The following SYTL3 variants were observed in gnomAD, a reference collection of about 807,000 sequenced individuals.
The protein encoded by SYTL3 is synaptotagmin-like protein 3.
SYTL3 carries 88 observed loss-of-function variants against 82.1 expected under a neutral mutation model. That is an observed-to-expected ratio of 1.07 (90% CI 0.90 to 1.28). The LOEUF is 1.28. SYTL3 is among the 50% of genes most tolerant of loss of function. The pLI is 0.00. For missense variants in SYTL3, 831 were observed against 757.6 expected, an observed-to-expected ratio of 1.10 and a Z score of -1.14; for synonymous variants, 311 against 289.4, an observed-to-expected ratio of 1.07 and a Z score of -0.76.
In SYTL3 at chr6:158,708,397, G is replaced by A. The variant is rs1782353634; in HGVS notation, c.516+6G>A. 20 of 1,613,482 alleles carry A rather than the reference G, an allele frequency of 1.2e-5. No individual in the cohort carries two copies. Among genetic ancestry groups the A allele is most frequent in the Admixed American group, 1.7e-5 (1 of 60,002 alleles). Reference sequence around the variant, plus strand: ...GCAGCCGCAGTCCTGGCAGGGTAACGTATCCATTCTGGGCACTTCTCTAGT... The same window carrying A: ...GCAGCCGCAGTCCTGGCAGGGTAACATATCCATTCTGGGCACTTCTCTAGT... On this transcript the variant is annotated splice_donor_region_variant and intron_variant, in intron 8 of 17. Transcript: ENST00000611299.
intron 8 of SYTL3, among the ~76,000 whole-genome samples, chr6:158,712,740 C>G (rs1782892247): frequency 6.8e-6 from 1 of 147,960 alleles, no homozygotes; most frequent in Non-Finnish European, 1.5e-5. Flanking sequence ...CACATACATT[C>G]TTTTTCTTTT....
chr6:158,665,346 G>C lies in SYTL3; in HGVS notation c.111-49G>C, dbSNP rs780762499. 50 of 1,528,112 alleles carry C rather than the reference G, an allele frequency of 3.3e-5. No homozygotes were observed. In the South Asian group the frequency reaches 5.1e-4, roughly 16 times the overall value. 94.7% of individuals were successfully genotyped at this position (1,528,112 alleles called of 1,614,324 possible). A position where few individuals can be genotyped will look rare whatever the true frequency, so the allele number is the denominator to read the frequency against. On this transcript the variant is annotated intron_variant, in intron 4 of 17. Coordinates refer to ENST00000611299, the MANE Select transcript of SYTL3 (RefSeq NM_001242394.2). ...CCTGGGCTCTTGCCCTATAGCCTGG[G>C]GTCAGGTGTTCCATCTAATACTATC...
intron 2 of SYTL3, among the ~76,000 whole-genome samples, chr6:158,658,438 T>C (rs1314274916): frequency 6.6e-6 from 1 of 152,206 alleles, no homozygotes; most frequent in Non-Finnish European, 1.5e-5. Context: ...ATGAAGCAAC[T>C]GTGGTTCAAT....
In SYTL3 at chr6:158,757,372, C is replaced by A; in HGVS notation, c.1299C>A (p.Leu433=). 6.2e-7 allele frequency: 1 copy of A among 1,613,950 alleles called. No individual in the cohort carries two copies. The highest frequency in any genetic ancestry group is 2.2e-5 in the East Asian group (1 of 44,882). ...CACAGTCCTTCCGCTGGCATCCGCT[C>A]CGGGCCAAGGTGATGTCTGGTTTTG... ...STTQSFRWHP[L]RAKAEKYEDS... The change falls in exon 14 of 18, where the codon CTC becomes CTA. Residue 433 remains leucine (L), a synonymous_variant. Coordinates refer to ENST00000611299, the MANE Select transcript of SYTL3 (RefSeq NM_001242394.2).
intron 6 of SYTL3, among the ~76,000 whole-genome samples, chr6:158,699,436 A>G (rs1022687590): frequency 2.0e-5 from 3 of 152,156 alleles, no homozygotes; most frequent in African/African-American, 7.2e-5. Context: ...AAGCTGCTTC[A>G]TCCCTATTAT....
At chr6:158,708,194 A>C in intron 7 of SYTL3, 128 bp from the exon 8 acceptor site, 1 of 858,084 alleles carries the variant, frequency 1.2e-6, no homozygotes, top group East Asian at 2.4e-5. Flanking sequence ...TTTTTCCAAA[A>C]AGTGAGGCAG....
chr6:158,732,487 A>T (rs573539396), intron 11 of SYTL3, among the ~76,000 whole-genome samples: 6 of 152,246 alleles, frequency 3.9e-5, no homozygotes. Flanking sequence ...CCACTCGGAC[A>T]GTCCTCTAAT....
intron 2 of SYTL3, among the ~76,000 whole-genome samples, chr6:158,659,994 G>C (rs1002889340): frequency 6.6e-6 from 1 of 152,172 alleles, no homozygotes; most frequent in Non-Finnish European, 1.5e-5. Flanking sequence ...CCTTGAACAG[G>C]CCGGGCGTGG....
At chr6:158,677,954 A>G (rs536152089) in intron 5 of SYTL3, among the ~76,000 whole-genome samples, 76 of 152,148 alleles carry the variant, frequency 5.0e-4, no homozygotes, top group African/African-American at 1.6e-3. Context: ...CAGTGGTACA[A>G]TCTTGGCTCA....
At chr6:158,762,476 C>T (rs1026848612) in intron 16 of SYTL3, among the ~76,000 whole-genome samples, 1 of 152,124 alleles carries the variant, frequency 6.6e-6, no homozygotes, top group Non-Finnish European at 1.5e-5. Flanking sequence ...TTAACATCTC[C>T]TCTTGGACCA....
rs1180015398 is a variant in SYTL3 at position 158,764,492 on chromosome 6, C to T, written c.1724-3C>T. 5.6e-6 allele frequency: 9 copies of T among 1,607,816 alleles called. No individual in the cohort carries two copies. Among genetic ancestry groups the T allele is most frequent in the Non-Finnish European group, 6.8e-6 (8 of 1,174,836 alleles). On this transcript the variant is annotated splice_polypyrimidine_tract_variant and splice_region_variant and intron_variant, in intron 17 of 17. Transcript: ENST00000611299. ...ATGGCTAAATTGTCTTCCTCTCTTACAGAGGGAGACACAGCTGTTGGCGGG... is the reference window on the plus strand; with the variant it reads ...ATGGCTAAATTGTCTTCCTCTCTTATAGAGGGAGACACAGCTGTTGGCGGG...
intron 2 of SYTL3, among the ~76,000 whole-genome samples, chr6:158,654,798 G>C (rs952859227): frequency 3.9e-5 from 6 of 152,192 alleles, no homozygotes; most frequent in Non-Finnish European, 8.8e-5. Flanking sequence ...AAGTGACACA[G>C]AGACAGGATG....
intron 8 of SYTL3, among the ~76,000 whole-genome samples, chr6:158,709,158 T>G (rs187622041): frequency 8.4e-4 from 128 of 152,108 alleles, no homozygotes; most frequent in African/African-American, 3.1e-3. Flanking sequence ...GCTTGAGCCT[T>G]GGAGGTGGAG....
chr6:158,729,708 A>G (rs548040916), intron 11 of SYTL3, among the ~76,000 whole-genome samples: 7 of 151,100 alleles, frequency 4.6e-5, no homozygotes, highest in Non-Finnish European at 8.9e-5. Flanking sequence ...CTGGGACTAC[A>G]GGCGCCCGCC....
intron 2 of SYTL3, among the ~76,000 whole-genome samples, chr6:158,660,665 TG>T: frequency 6.6e-6 from 1 of 152,312 alleles, no homozygotes; most frequent in Middle Eastern, 3.4e-3. Flanking sequence ...CCTGCTTACC[TG>T]GAGTACTGGA....
At chr6:158,720,913 A>T (rs1044987186) in intron 10 of SYTL3, among the ~76,000 whole-genome samples, 3 of 152,068 alleles carry the variant, frequency 2.0e-5, no homozygotes, top group Admixed American at 6.5e-5. Flanking sequence ...CATCCCACGC[A>T]CCACAGGCTG....
intron 10 of SYTL3, among the ~76,000 whole-genome samples, chr6:158,720,438 G>A (rs1783974050): frequency 7.0e-6 from 1 of 143,428 alleles, no homozygotes; most frequent in African/African-American, 2.6e-5. Context: ...CTGAGTTTTA[G>A]TGAGAGGTTG....
At chr6:158,748,330 A>G (rs1477222789) in intron 12 of SYTL3, among the ~76,000 whole-genome samples, 1 of 152,154 alleles carries the variant, frequency 6.6e-6, no homozygotes, top group East Asian at 1.9e-4. Context: ...ACATTTCTAT[A>G]GCACTTGTGG....
At position 158,693,855 on chromosome 6, in the gene SYTL3, C is replaced by CTTTTCTTTTTTT. The variant is rs71030191; in HGVS notation, c.394+10870_394+10871insCTTTTTTTTTTT. On this transcript the variant is annotated intron_variant, in intron 6 of 17. Transcript: ENST00000611299. Reference sequence around the variant, plus strand: ...TGCATCCAGCCTTTCTTTTTCTTTTCTTTTTTTTTTTTTTTTTTGTAGATA... The same window carrying CTTTTCTTTTTTT: ...TGCATCCAGCCTTTCTTTTTCTTTTCTTTTCTTTTTTTTTTTTTTTTTTTTTTTTTGTAGATA... Among the ~76,000 whole-genome samples the CTTTTCTTTTTTT allele has an allele frequency of 6.3e-4, 61 of 96,860 alleles. 1 individual carries two copies. Among genetic ancestry groups the CTTTTCTTTTTTT allele is most frequent in the Non-Finnish European group, 9.3e-4 (49 of 52,710 alleles). 63.5% of individuals were successfully genotyped at this position (96,860 alleles called of 152,430 possible). A position where few individuals can be genotyped will look rare whatever the true frequency, so the allele number is the denominator to read the frequency against.
Sources: gnomAD v4.1 joint callset for allele counts (sites outside exome capture counted in the v4.1 genomes callset) on GRCh38, gnomAD v4.1.1 for gene constraint, MANE v1.5 for transcripts, NCBI Gene and HGNC (gene_info 2026-07-23, HGNC 2026-07-21) for gene names.